The following GPHN variants were observed in gnomAD, a reference collection of about 807,000 sequenced individuals.
GPHN encodes gephyrin.
In GPHN, 17 loss-of-function variants were observed where a neutral mutation model predicts 95.5. The observed-to-expected ratio is 0.18, with a 90% CI of 0.12 to 0.27. The LOEUF (loss-of-function observed/expected upper bound fraction) is 0.27, where lower values mean the gene tolerates loss of function less well. Among genes scored for constraint, GPHN ranks in the 10% least tolerant of loss-of-function variants. The pLI is 1.00. For missense variants in GPHN, 660 were observed against 978.1 expected, an observed-to-expected ratio of 0.67 and a Z score of 4.34; for synonymous variants, 320 against 322.5, an observed-to-expected ratio of 0.99 and a Z score of 0.08.
At chr14:67,392,649 C>T in the GPHN span, 1 of 1,603,188 alleles carries the variant, frequency 6.2e-7, no homozygotes, top group Non-Finnish European at 8.5e-7. Context: ...GAAGAACCCA[C>T]TCCCCAACTT....
chr14:67,473,556 G>A, the GPHN span: 10 of 1,613,636 alleles, frequency 6.2e-6, no homozygotes, highest in Non-Finnish European at 8.5e-6. This position sits in a 1 kb window ranked among gnomAD's most constrained non-coding sequence, Gnocchi z 6.5. Flanking sequence ...GCAGAACCAG[G>A]GCACGGCGTA....
rs2059386969 is a variant in GPHN, at chr14:66,776,512, A to G, written c.192A>G (p.Glu64=). 1 of 1,569,406 alleles carries G rather than the reference A, an allele frequency of 6.4e-7. No individual in the cohort carries two copies. Among genetic ancestry groups the G allele is most frequent in the Non-Finnish European group, 8.8e-7 (1 of 1,140,438 alleles). Residue 64 remains glutamate (E), a synonymous_variant, in exon 3 of 23, where the codon GAA becomes GAG. Coordinates refer to ENST00000478722, the MANE Select transcript of GPHN (RefSeq NM_020806.5). Reference sequence around the variant, plus strand: ...ACAAGATAGTACCAGATGAAATAGAAGAAATCAAGGTATAGTATGGCATTT... The same window carrying G: ...ACAAGATAGTACCAGATGAAATAGAGGAAATCAAGGTATAGTATGGCATTT... The part of the protein sequence containing the change: ...SAYKIVPDEI[E]EIKETLIDWC...
intron 1 of GPHN, among the ~76,000 whole-genome samples, chr14:66,541,163 G>T (rs1177085171): frequency 6.6e-6 from 1 of 152,118 alleles, no homozygotes; most frequent in East Asian, 1.9e-4. Context: ...GGTCAGGCTG[G>T]TCTTGAATTC....
At chr14:67,662,806 A>G in the GPHN span, among the ~76,000 whole-genome samples, 3 of 149,976 alleles carry the variant, frequency 2.0e-5, no homozygotes, top group Admixed American at 2.0e-4. Context: ...TGGGAGGCAG[A>G]GGTAGAGAAA....
At chr14:67,201,776 C>A in the GPHN span, 31 of 272,612 alleles carry the variant, frequency 1.1e-4, 2 homozygotes, top group South Asian at 1.1e-3. Context: ...GAGCTACAAC[C>A]TCTTTCTTTC....
the GPHN span, among the ~76,000 whole-genome samples, chr14:67,232,086 G>T: frequency 6.6e-6 from 1 of 152,156 alleles, no homozygotes; most frequent in Non-Finnish European, 1.5e-5. Flanking sequence ...CCCTTCAAGG[G>T]ATGGAGCCTA....
the GPHN span, chr14:67,347,516 T>C: frequency 8.4e-6 from 12 of 1,421,954 alleles, no homozygotes; most frequent in African/African-American, 3.0e-5. Flanking sequence ...TTTTTTTTTT[T>C]CTGAGACGGA....
At chr14:67,180,348 G>A (rs955876839) in intron 22 of GPHN, among the ~76,000 whole-genome samples, 1 of 152,148 alleles carries the variant, frequency 6.6e-6, no homozygotes, top group African/African-American at 2.4e-5. Flanking sequence ...TACTTAGCAG[G>A]ACCCTAGGCA....
intron 1 of GPHN, among the ~76,000 whole-genome samples, chr14:66,514,861 T>A (rs943747167): frequency 6.6e-6 from 1 of 152,074 alleles, no homozygotes; most frequent in Non-Finnish European, 1.5e-5. Flanking sequence ...GTCTATACCC[T>A]GTAATCTATA....
chr14:67,136,783 A>G (rs2080102606), intron 17 of GPHN, among the ~76,000 whole-genome samples: 3 of 152,178 alleles, frequency 2.0e-5, no homozygotes. Flanking sequence ...ATTGTCTTAC[A>G]GAATGTTTTC....
intron 18 of GPHN, among the ~76,000 whole-genome samples, chr14:67,150,071 ATCAAC>A (rs2081161186): frequency 2.0e-5 from 3 of 152,232 alleles, no homozygotes; most frequent in African/African-American, 7.2e-5. Flanking sequence ...TCAGTTTAAT[ATCAAC>A]TCAAGATTTT....
At chr14:66,641,655 A>C (rs1034724804) in intron 1 of GPHN, among the ~76,000 whole-genome samples, 2 of 128,708 alleles carry the variant, frequency 1.6e-5, no homozygotes, top group Non-Finnish European at 3.4e-5. Context: ...AGTAGATGAC[A>C]AAAAAAAAAA....
At chr14:67,315,961 G>A in the GPHN span, among the ~76,000 whole-genome samples, 1 of 152,240 alleles carries the variant, frequency 6.6e-6, no homozygotes, top group South Asian at 2.1e-4. Flanking sequence ...CTTCTTATGT[G>A]TATGGAAGTC....
At chr14:67,618,832 T>C in the GPHN span, among the ~76,000 whole-genome samples, 1 of 152,208 alleles carries the variant, frequency 6.6e-6, no homozygotes, top group African/African-American at 2.4e-5. Context: ...ACAGAGCCTC[T>C]AAAAATAAAA....
At chr14:66,692,715 G>A (rs1426466410) in intron 2 of GPHN, among the ~76,000 whole-genome samples, 1 of 152,062 alleles carries the variant, frequency 6.6e-6, no homozygotes, top group Non-Finnish European at 1.5e-5. Context: ...GCATTAAAAG[G>A]ATAAAGACAT....
the GPHN span, among the ~76,000 whole-genome samples, chr14:67,728,700 T>TTG: frequency 4.7e-5 from 3 of 64,432 alleles, no homozygotes; most frequent in Non-Finnish European, 1.2e-4. Context: ...CAGGGATATC[T>TTG]TGTGGGGGGG....
chr14:67,491,093 A>G, the GPHN span, among the ~76,000 whole-genome samples: 2,860 of 152,310 alleles, frequency 0.019, 39 homozygotes, highest in East Asian at 0.073. Context: ...ACTTCTGAAC[A>G]ATTGGTTACA....
the GPHN span, chr14:67,302,440 G>A: frequency 1.9e-6 from 3 of 1,597,382 alleles, no homozygotes; most frequent in East Asian, 2.3e-5. Flanking sequence ...AATGGACTCT[G>A]TCATCATTAG....
intron 1 of GPHN, among the ~76,000 whole-genome samples, chr14:66,541,781 G>T (rs1404037964): frequency 1.3e-5 from 2 of 152,194 alleles, no homozygotes; most frequent in Non-Finnish European, 2.9e-5. Context: ...TTGGAGGTTA[G>T]TATGCCGATG....
Sources: gnomAD v4.1 joint callset for allele counts (sites outside exome capture counted in the v4.1 genomes callset) on GRCh38, gnomAD v4.1.1 for gene constraint, Gnocchi (gnomAD v3.1) non-coding constraint, MANE v1.5 for transcripts, NCBI Gene and HGNC (gene_info 2026-07-23, HGNC 2026-07-21) for gene names.